The following LASP1 variants were observed in gnomAD, a reference collection of about 807,000 sequenced individuals.
The protein encoded by LASP1 is LIM and SH3 domain protein 1.
In LASP1, 10 loss-of-function variants were observed where a neutral mutation model predicts 38.6. The ratio of observed to expected loss-of-function variants is 0.26; its 90% confidence interval spans 0.16 to 0.44. LASP1 has a LOEUF of 0.44. Among genes scored for constraint, LASP1 ranks in the 20% least tolerant of loss-of-function variants. LASP1 has a pLI of 1.00. For missense variants in LASP1, 243 were observed against 375.7 expected (o/e 0.65, Z 2.92); for synonymous variants, 132 against 140.8 (o/e 0.94, Z 0.44).
chr17:38,884,956 G>T (rs887438896), intron 2 of LASP1, among the ~76,000 whole-genome samples: 1 of 152,182 alleles, frequency 6.6e-6, no homozygotes, highest in Non-Finnish European at 1.5e-5. Context: ...CTCCCAAAGT[G>T]CTGGCATTTC....
chr17:38,909,555 C>T (rs558285939), intron 4 of LASP1, among the ~76,000 whole-genome samples: 1 of 151,500 alleles, frequency 6.6e-6, no homozygotes, highest in Non-Finnish European at 1.5e-5. Context: ...TGCAGTAAGC[C>T]GAGACTGTGT....
chr17:38,913,452 T>C (rs1915013694), intron 4 of LASP1, among the ~76,000 whole-genome samples: 1 of 152,206 alleles, frequency 6.6e-6, no homozygotes. Flanking sequence ...GAATCGCCTG[T>C]TGATGAAGAG....
At chr17:38,874,487 G>C (rs1321546227) in intron 1 of LASP1, among the ~76,000 whole-genome samples, 1 of 152,108 alleles carries the variant, frequency 6.6e-6, no homozygotes, top group Non-Finnish European at 1.5e-5. Flanking sequence ...ACCCCAAAAA[G>C]GACACAGTGG....
Position 38,919,031 on chromosome 17 carries a change from G to GAGGGC in LASP1, c.*253_*254insAGGGC. On this transcript the variant is annotated 3_prime_UTR_variant, in exon 7 of 7. Coordinates refer to ENST00000318008, the MANE Select transcript of LASP1 (RefSeq NM_006148.4). ...TGGAACGGGCATGGGCCTCTCTGGGGGAGGCAGGGCTGGAATGGGAGACCT... is the reference window on the plus strand; with the variant it reads ...TGGAACGGGCATGGGCCTCTCTGGGGAGGGCGAGGCAGGGCTGGAATGGGAGACCT... 1 of 237,440 alleles carries GAGGGC rather than the reference G, an allele frequency of 4.2e-6. No individual in the cohort carries two copies. The highest frequency in any genetic ancestry group is 7.3e-6 in the Non-Finnish European group (1 of 136,880). 14.7% of individuals were successfully genotyped at this position (237,440 alleles called of 1,614,324 possible). A position where few individuals can be genotyped will look rare whatever the true frequency, so the allele number is the denominator to read the frequency against.
intron 4 of LASP1, among the ~76,000 whole-genome samples, chr17:38,912,921 C>A (rs560165769): frequency 7.2e-5 from 11 of 152,288 alleles, no homozygotes; most frequent in Non-Finnish European, 1.5e-4. Flanking sequence ...CTCTGGCTGA[C>A]CCTGCTTAGG....
chr17:38,885,643 A>AC (rs3837798), intron 2 of LASP1, among the ~76,000 whole-genome samples: 106,981 of 152,120 alleles, frequency 0.7, 38,739 homozygotes, highest in African/African-American at 0.9. Context: ...CCAGCTGATC[A>AC]CCTGTCCCTC....
chr17:38,914,012 A>G (rs1347506734), intron 4 of LASP1, among the ~76,000 whole-genome samples: 1 of 151,952 alleles, frequency 6.6e-6, no homozygotes, highest in African/African-American at 2.4e-5. Context: ...GAAAAAAAAA[A>G]AAAAAGAAAA....
chr17:38,890,459 C>G lies in LASP1; in HGVS notation c.204C>G (p.Thr68=). Residue 68 remains threonine, a synonymous_variant, in exon 3 of 7, where the codon ACC becomes ACG. Coordinates refer to ENST00000318008, the MANE Select transcript of LASP1 (RefSeq NM_006148.4). ...PKQSFTMVAD[T]PENLRLKQQS... Reference sequence around the variant, plus strand: ...AGTCCTTCACCATGGTGGCGGACACCCCGGAAAACCTTCGCCTCAAGCAAC... The same window carrying G: ...AGTCCTTCACCATGGTGGCGGACACGCCGGAAAACCTTCGCCTCAAGCAAC... The G allele has an allele frequency of 6.2e-7, 1 of 1,614,070 alleles. No homozygotes were observed. Among genetic ancestry groups the G allele is most frequent in the Non-Finnish European group, 8.5e-7 (1 of 1,180,000 alleles).
intron 3 of LASP1, among the ~76,000 whole-genome samples, chr17:38,897,718 G>A (rs762505556): frequency 1.3e-5 from 2 of 152,142 alleles, no homozygotes; most frequent in Non-Finnish European, 2.9e-5. Flanking sequence ...CTCCTATGGC[G>A]GTGGCCTCTG....
chr17:38,920,737 C>T lies in LASP1; in HGVS notation c.*1959C>T, dbSNP rs1409743549. On this transcript the variant is annotated 3_prime_UTR_variant, in exon 7 of 7. Transcript: ENST00000318008. ...CTGACCCATCCCTTTTCCTTTCTGG[C>T]CCCAGCCTAGGTGGAGGCAAGTGGA... is the stretch of plus-strand genomic sequence containing the variant. 4.3e-6 allele frequency: 1 copy of T among 233,416 alleles called. No homozygotes were observed. The highest frequency in any genetic ancestry group is 6.0e-5 in the East Asian group (1 of 16,556). The allele number at this position is 233,416 out of a possible 1,614,324, so 14.5% of individuals were successfully genotyped here.
intron 3 of LASP1, among the ~76,000 whole-genome samples, chr17:38,896,470 A>C (rs1914494597): frequency 1.3e-5 from 2 of 152,108 alleles, no homozygotes; most frequent in African/African-American, 4.8e-5. Flanking sequence ...TCCTTCCCCA[A>C]CAGGGAGGGG....
intron 4 of LASP1, among the ~76,000 whole-genome samples, chr17:38,903,405 G>C (rs1325786404): frequency 4.6e-5 from 7 of 152,180 alleles, no homozygotes; most frequent in African/African-American, 1.7e-4. Context: ...GATTGCCCAG[G>C]CTGGAGTACA....
At chr17:38,887,771 G>A (rs1430386122) in intron 2 of LASP1, among the ~76,000 whole-genome samples, 2 of 152,180 alleles carry the variant, frequency 1.3e-5, no homozygotes, top group Admixed American at 6.5e-5. Flanking sequence ...GTCAAGTTAT[G>A]CTCCTTTGAT....
Position 38,921,250 on chromosome 17 carries a change from T to C in LASP1, c.*2472T>C, listed in dbSNP as rs181278830. 4.4e-6 allele frequency: 1 copy of C among 229,528 alleles called. No homozygotes were observed. The highest frequency in any genetic ancestry group is 2.2e-5 in the African/African-American group (1 of 45,198). 14.2% of individuals were successfully genotyped at this position (229,528 alleles called of 1,614,324 possible). On this transcript the variant is annotated 3_prime_UTR_variant, in exon 7 of 7. Transcript: ENST00000318008. ...AGTTCACAGAGGTCTTTCAGCTCAT[T>C]TAATCCCAGGAAAGAGGCATCAAAG...
chr17:38,870,273 G>C lies in LASP1; in HGVS notation c.69+15G>C, dbSNP rs1388902330. ...GTCTGGATAAGGTGAGCCCGGGACC[G>C]GGAGACGCGTCTTTGCAATCCCCCG... On this transcript the variant is annotated intron_variant, in intron 1 of 6. Transcript: ENST00000318008. 6 of 1,613,010 alleles carry C rather than the reference G, an allele frequency of 3.7e-6. No homozygotes were observed. In the South Asian group the frequency reaches 6.6e-5, roughly 18 times the overall value.
chr17:38,915,124 G>C lies in LASP1; in HGVS notation c.590G>C (p.Arg197Pro). ...CCTGCAGCCCCAGTCTCCATACAGC[G>C]CAGCGCCCCAGGTGGTGGCGGGGTG... ...KEPAAPVSIQRSAPGGGGKRY... is the reference protein window; with the variant it reads ...KEPAAPVSIQPSAPGGGGKRY... Residue 197 changes from arginine (R) to proline (P), a missense_variant, in exon 6 of 7, where the codon CGC becomes CCC. By Grantham distance (103) the Arg-to-Pro change is moderately radical. Transcript: ENST00000318008. 1 of 1,613,956 alleles carries C rather than the reference G, an allele frequency of 6.2e-7. No individual in the cohort carries two copies. Among genetic ancestry groups the C allele is most frequent in the South Asian group, 1.1e-5 (1 of 91,080 alleles).
chr17:38,892,990 CGCGTGTATGT>C (rs1914382205), intron 3 of LASP1, among the ~76,000 whole-genome samples: 1 of 136,030 alleles, frequency 7.4e-6, no homozygotes, highest in South Asian at 2.3e-4. Context: ...CACGCATGCA[CGCGTGTATGT>C]GTGTGTGTGT....
chr17:38,915,258 A>T, intron 6 of LASP1, 112 bp downstream of exon 6: 1 of 842,962 alleles, frequency 1.2e-6, no homozygotes, highest in Non-Finnish European at 1.9e-6. Context: ...GTTGTGTGTG[A>T]TGATAAGGAT....
chr17:38,910,733 C>CTTTTCTTTTTTTTTT (rs1555556391), intron 4 of LASP1, among the ~76,000 whole-genome samples: 1 of 135,476 alleles, frequency 7.4e-6, no homozygotes, highest in Non-Finnish European at 1.5e-5. Context: ...CTGGAGTCCA[C>CTTTTCTTTTTTTTTT]TTTTTTTTAA....
Sources: gnomAD v4.1 joint callset for allele counts (sites outside exome capture counted in the v4.1 genomes callset) on GRCh38, gnomAD v4.1.1 for gene constraint, MANE v1.5 for transcripts, NCBI Gene and HGNC (gene_info 2026-07-23, HGNC 2026-07-21) for gene names.